The following RARB variants were observed in gnomAD, a reference collection of about 807,000 sequenced individuals.
RARB encodes retinoic acid receptor beta.
Under a neutral mutation model 51.9 loss-of-function variants are expected in RARB, and 17 were observed. That is an observed-to-expected ratio of 0.33 (90% CI 0.22 to 0.49). The LOEUF (loss-of-function observed/expected upper bound fraction) is 0.49. Among genes scored for constraint, RARB ranks in the 20% least tolerant of loss-of-function variants. RARB has a pLI of 0.99. For synonymous variants in RARB, 215 were observed against 195.4 expected (o/e 1.10, Z -0.84); for missense variants, 369 against 550.8 (o/e 0.67, Z 3.30).
At chr3:24,988,919 A>G (rs1221564922) in intron 2 of RARB, among the ~76,000 whole-genome samples, 4 of 152,150 alleles carry the variant, frequency 2.6e-5, no homozygotes, top group East Asian at 1.9e-4. Flanking sequence ...TCCGCTTCCC[A>G]GGCTCAAGCA....
intron 2 of RARB, among the ~76,000 whole-genome samples, chr3:25,008,485 A>G (rs187297721): frequency 6.6e-6 from 1 of 152,168 alleles, no homozygotes; most frequent in Non-Finnish European, 1.5e-5. Context: ...CTGAGTAGCT[A>G]CCTTATCCTT....
chr3:25,327,137 G>A (rs1476644237), intron 5 of RARB, among the ~76,000 whole-genome samples: 1 of 152,124 alleles, frequency 6.6e-6, no homozygotes, highest in Non-Finnish European at 1.5e-5. Flanking sequence ...GAGCAGGGAA[G>A]AGAGATTTAG....
intron 4 of RARB, among the ~76,000 whole-genome samples, chr3:25,140,096 T>G (rs1387872044): frequency 6.6e-6 from 1 of 150,930 alleles, no homozygotes; most frequent in Admixed American, 6.6e-5. Flanking sequence ...TTTTTTTTTG[T>G]TGGTTTGTTT....
intron 2 of RARB, among the ~76,000 whole-genome samples, chr3:25,056,261 A>C (rs1698440336): frequency 6.6e-6 from 1 of 152,138 alleles, no homozygotes; most frequent in African/African-American, 2.4e-5. Context: ...AACCTTAGTG[A>C]GAGAAAGCTT....
chr3:25,182,093 A>AT (rs1408594562), intron 5 of RARB, among the ~76,000 whole-genome samples: 1 of 152,194 alleles, frequency 6.6e-6, no homozygotes, highest in Non-Finnish European at 1.5e-5. Context: ...TAGGTGGCCT[A>AT]TATTACCTAT....
chr3:25,111,396 C>T (rs1485192506), intron 3 of RARB, among the ~76,000 whole-genome samples: 1 of 152,138 alleles, frequency 6.6e-6, no homozygotes, highest in Admixed American at 6.5e-5. Context: ...ACTGTTACCA[C>T]CTGTAGCCTT....
intron 2 of RARB, among the ~76,000 whole-genome samples, chr3:24,998,703 G>T (rs1559427904): frequency 6.6e-6 from 1 of 152,018 alleles, no homozygotes; most frequent in Non-Finnish European, 1.5e-5. Context: ...GTCTTCTAGG[G>T]ATTTTCCTTT....
At chr3:25,336,889 C>T (rs949034116) in intron 5 of RARB, among the ~76,000 whole-genome samples, 1 of 152,120 alleles carries the variant, frequency 6.6e-6, no homozygotes, top group South Asian at 2.1e-4. Context: ...GTGCTCCTCT[C>T]AGAACAGGGT....
At chr3:25,342,158 G>A (rs1575326072) in intron 5 of RARB, among the ~76,000 whole-genome samples, 1 of 152,198 alleles carries the variant, frequency 6.6e-6, no homozygotes, top group African/African-American at 2.4e-5. Flanking sequence ...TAAGCAGACT[G>A]CAGTTTCAGG....
At chr3:25,012,768 A>T (rs1325090159) in intron 2 of RARB, among the ~76,000 whole-genome samples, 1 of 152,128 alleles carries the variant, frequency 6.6e-6, no homozygotes, top group Non-Finnish European at 1.5e-5. Flanking sequence ...GATATACAAA[A>T]TTTGTGCACA....
intron 5 of RARB, among the ~76,000 whole-genome samples, chr3:25,301,332 C>T (rs967615865): frequency 6.6e-6 from 1 of 152,150 alleles, no homozygotes; most frequent in Middle Eastern, 3.2e-3. Context: ...TAGGAGGATC[C>T]TCCCTTGCAT....
At chr3:25,555,047 G>A (rs956311635) in intron 3 of RARB, among the ~76,000 whole-genome samples, 5 of 152,174 alleles carry the variant, frequency 3.3e-5, no homozygotes, top group African/African-American at 7.2e-5. Context: ...GCCACATTGC[G>A]GATTAAGTTT....
chr3:25,489,961 C>T (rs11706799), intron 2 of RARB, among the ~76,000 whole-genome samples: 70,771 of 152,172 alleles, frequency 0.47, 18,249 homozygotes, highest in South Asian at 0.65. Flanking sequence ...AGGACAGAAT[C>T]CATTTTGAGA....
chr3:25,153,135 AGTGTGT>A (rs59786696), intron 4 of RARB, among the ~76,000 whole-genome samples: 11 of 149,640 alleles, frequency 7.4e-5, no homozygotes, highest in Non-Finnish European at 1.0e-4. Flanking sequence ...ATAGAGGCAG[AGTGTGT>A]GTGTGTGTGT....
intron 3 of RARB, among the ~76,000 whole-genome samples, chr3:25,536,210 G>A (rs1271742298): frequency 1.3e-5 from 2 of 152,140 alleles, no homozygotes; most frequent in East Asian, 3.9e-4. Flanking sequence ...TTAAGAACAA[G>A]AGATAAAGCC....
chr3:25,267,468 A>G (rs1202347816), intron 5 of RARB, among the ~76,000 whole-genome samples: 1 of 152,020 alleles, frequency 6.6e-6, no homozygotes, highest in Non-Finnish European at 1.5e-5. Flanking sequence ...TCTATTTTTT[A>G]GTCTTTTCTG....
chr3:25,213,414 C>T lies in RARB; in HGVS notation c.178+38839C>T, dbSNP rs144876677. ...AGCTATGGTCGGTTCTTTTTCACTT[C>T]CCGGTGGTATTCCATTGTATGAATA... is the stretch of plus-strand genomic sequence containing the variant. On this transcript the variant is annotated intron_variant, in intron 5 of 11. Coordinates refer to the RARB transcript ENST00000383772. 3.3e-5 allele frequency among the ~76,000 whole-genome samples: 5 copies of T among 152,178 alleles called. No homozygotes were observed. The East Asian group carries it at 9.7e-4, about 29-fold the overall frequency.
chr3:25,067,705 G>T (rs1298498154), intron 3 of RARB, among the ~76,000 whole-genome samples: 1 of 152,104 alleles, frequency 6.6e-6, no homozygotes, highest in Non-Finnish European at 1.5e-5. Context: ...CTCCTCCTAT[G>T]CTTGCACCAC....
chr3:25,535,854 A>AT (rs757353312), intron 3 of RARB, among the ~76,000 whole-genome samples: 1 of 152,038 alleles, frequency 6.6e-6, no homozygotes, highest in Non-Finnish European at 1.5e-5. Flanking sequence ...TGGACTTGGA[A>AT]TTTTTTTTAT....
Sources: gnomAD v4.1 joint callset for allele counts (sites outside exome capture counted in the v4.1 genomes callset) on GRCh38, gnomAD v4.1.1 for gene constraint, MANE v1.5 for transcripts, NCBI Gene and HGNC (gene_info 2026-07-23, HGNC 2026-07-21) for gene names.